KCNIP4: variants seen among roughly 807,000 people sequenced by gnomAD.
KCNIP4 encodes the protein potassium voltage-gated channel interacting protein 4.
Under a neutral mutation model 34.0 loss-of-function variants are expected in KCNIP4, and 12 were observed. The ratio of observed to expected loss-of-function variants is 0.35; its 90% CI spans 0.23 to 0.57. The LOEUF (loss-of-function observed/expected upper bound fraction) is 0.57. Ranked by LOEUF, KCNIP4 falls within the 20% of genes least tolerant of loss-of-function variation. KCNIP4 has a pLI of 0.83. For synonymous variants in KCNIP4, 124 were observed against 102.2 expected (o/e 1.21, Z -1.29); for missense variants, 238 against 311.7 (o/e 0.76, Z 1.78).
At chr4:20,952,238 C>G (rs1344616239) in intron 1 of KCNIP4, among the ~76,000 whole-genome samples, 13 of 150,512 alleles carry the variant, frequency 8.6e-5, no homozygotes, top group Admixed American at 8.6e-4. Flanking sequence ...ATTTTTTTTT[C>G]TCAAAATGAT....
At chr4:21,118,939 C>T (rs141921794) in intron 1 of KCNIP4, among the ~76,000 whole-genome samples, 2 of 152,224 alleles carry the variant, frequency 1.3e-5, no homozygotes, top group South Asian at 2.1e-4. Context: ...GGAATGAAAT[C>T]GTGAATTCAG....
At chr4:21,151,189 G>A (rs748861962) in intron 1 of KCNIP4, among the ~76,000 whole-genome samples, 9 of 152,090 alleles carry the variant, frequency 5.9e-5, no homozygotes, top group Non-Finnish European at 1.0e-4. Context: ...CTTGTCATAG[G>A]AGGTGGATTT....
chr4:21,438,331 T>A, intron 1 of KCNIP4, among the ~76,000 whole-genome samples: 1 of 152,210 alleles, frequency 6.6e-6, no homozygotes, highest in Non-Finnish European at 1.5e-5. Flanking sequence ...GTATATAAAG[T>A]TACTGAGCTA....
chr4:21,576,776 CTTATA>C (rs1740770341), intron 1 of KCNIP4, among the ~76,000 whole-genome samples: 1 of 152,156 alleles, frequency 6.6e-6, no homozygotes, highest in Non-Finnish European at 1.5e-5. Context: ...TAATAATTAT[CTTATA>C]TTAATATGCT....
chr4:20,911,549 A>G (rs1577354540), intron 1 of KCNIP4, among the ~76,000 whole-genome samples: 1 of 152,228 alleles, frequency 6.6e-6, no homozygotes, highest in South Asian at 2.1e-4. Flanking sequence ...CAACTTTAAT[A>G]TTTTCTGATC....
At chr4:21,320,363 C>T (rs954532087) in intron 1 of KCNIP4, among the ~76,000 whole-genome samples, 5 of 152,106 alleles carry the variant, frequency 3.3e-5, no homozygotes, top group Non-Finnish European at 7.3e-5. Flanking sequence ...CTAGCATACT[C>T]GGGCACTGGG....
At chr4:21,240,402 G>A (rs1417254996) in intron 1 of KCNIP4, among the ~76,000 whole-genome samples, 1 of 151,708 alleles carries the variant, frequency 6.6e-6, no homozygotes, top group Non-Finnish European at 1.5e-5. Context: ...AATTTAAAAA[G>A]TAGCTGCCTG....
intron 1 of KCNIP4, among the ~76,000 whole-genome samples, chr4:21,434,541 G>T (rs1005464890): frequency 6.6e-6 from 1 of 151,982 alleles, no homozygotes; most frequent in Admixed American, 6.6e-5. Context: ...GTTAGGAACC[G>T]AGCAGCACAG....
intron 6 of KCNIP4, among the ~76,000 whole-genome samples, chr4:20,734,290 G>A (rs1220878712): frequency 6.6e-6 from 1 of 152,136 alleles, no homozygotes; most frequent in Non-Finnish European, 1.5e-5. Context: ...ATCACATGCT[G>A]TGGGGAAAAG....
intron 1 of KCNIP4, among the ~76,000 whole-genome samples, chr4:21,717,884 T>A (rs1380802635): frequency 2.6e-5 from 4 of 152,164 alleles, no homozygotes; most frequent in African/African-American, 7.2e-5. Context: ...TTTTAATGCA[T>A]CACCAGCTTA....
chr4:21,525,304 G>A (rs940947524), intron 1 of KCNIP4, among the ~76,000 whole-genome samples: 5 of 151,994 alleles, frequency 3.3e-5, no homozygotes, highest in Admixed American at 2.0e-4. Context: ...TTTCATCTCT[G>A]TATTTTTTAA....
At chr4:21,529,473 G>T (rs1736488942) in intron 1 of KCNIP4, among the ~76,000 whole-genome samples, 1 of 152,158 alleles carries the variant, frequency 6.6e-6, no homozygotes. Context: ...TCAGTTTTGA[G>T]ATAACAGGAT....
intron 1 of KCNIP4, among the ~76,000 whole-genome samples, chr4:21,788,878 T>A (rs1237959987): frequency 2.0e-5 from 3 of 151,826 alleles, no homozygotes; most frequent in Admixed American, 6.6e-5. Flanking sequence ...ATCAAGACCA[T>A]CCTGGACAAC....
At chr4:21,244,535 T>C (rs1332015478) in intron 1 of KCNIP4, among the ~76,000 whole-genome samples, 1 of 152,234 alleles carries the variant, frequency 6.6e-6, no homozygotes, top group Non-Finnish European at 1.5e-5. Context: ...TGTGGATCCA[T>C]TCTATTTATA....
chr4:21,346,697 T>A (rs1200690493), intron 1 of KCNIP4, among the ~76,000 whole-genome samples: 2 of 152,156 alleles, frequency 1.3e-5, no homozygotes, highest in Admixed American at 1.3e-4. Context: ...ACCTGGGGAA[T>A]CTTGTTAAAA....
intron 1 of KCNIP4, among the ~76,000 whole-genome samples, chr4:21,414,573 C>T (rs1365724323): frequency 6.6e-6 from 1 of 152,080 alleles, no homozygotes; most frequent in Non-Finnish European, 1.5e-5. Context: ...TACAGCAATT[C>T]ACTTCTGGGT....
At chr4:21,082,479 G>A (rs1746083165) in intron 1 of KCNIP4, among the ~76,000 whole-genome samples, 2 of 151,772 alleles carry the variant, frequency 1.3e-5, no homozygotes, top group Admixed American at 1.3e-4. Context: ...GAGTTATGAT[G>A]AACTCAAGCC....
intron 2 of KCNIP4, among the ~76,000 whole-genome samples, chr4:20,864,794 A>G (rs1722702310): frequency 6.6e-6 from 1 of 152,146 alleles, no homozygotes; most frequent in African/African-American, 2.4e-5. Flanking sequence ...TTGTAAATCA[A>G]AAACCATTAG....
intron 1 of KCNIP4, among the ~76,000 whole-genome samples, chr4:21,072,381 C>A (rs1745031437): frequency 6.6e-6 from 1 of 152,168 alleles, no homozygotes; most frequent in African/African-American, 2.4e-5. Flanking sequence ...ATTTGCATTT[C>A]TCTGATGGCC....
Sources: gnomAD v4.1 joint callset for allele counts (sites outside exome capture counted in the v4.1 genomes callset) on GRCh38, gnomAD v4.1.1 for gene constraint, MANE v1.5 for transcripts, NCBI Gene and HGNC (gene_info 2026-07-23, HGNC 2026-07-21) for gene names.